The following ACAT1 variants were observed in gnomAD, a reference collection of about 807,000 sequenced individuals.
The protein encoded by ACAT1 is acetyl-CoA acetyltransferase 1.
In ACAT1, 28 loss-of-function variants were observed where a neutral mutation model predicts 47.3. That is an observed-to-expected ratio of 0.59 (90% CI 0.44 to 0.81). ACAT1 has a LOEUF of 0.81. Ranked by LOEUF, ACAT1 falls within the 30% of genes least tolerant of loss-of-function variation. The pLI is 0.00. For missense variants in ACAT1, 469 were observed against 524.3 expected (o/e 0.89, Z 1.03); for synonymous variants, 181 against 173.6 (o/e 1.04, Z -0.34).
chr11:108,121,239 T>C (rs568711281), upstream of ACAT1: 3 of 354,026 alleles, frequency 8.5e-6, no homozygotes, highest in South Asian at 8.6e-5. Flanking sequence ...TTTCATGAGT[T>C]TGTGCTGGGT....
At chr11:108,135,720 C>T (rs1043974154) in intron 5 of ACAT1, among the ~76,000 whole-genome samples, 5 of 151,810 alleles carry the variant, frequency 3.3e-5, no homozygotes, top group South Asian at 2.1e-4. Context: ...TCCAGCTACT[C>T]GGGAAGCTGA....
rs1347011973 is a variant in ACAT1, at chr11:108,133,907, A to G, written c.208A>G (p.Ile70Val). 1.9e-6 allele frequency: 3 copies of G among 1,613,972 alleles called. No homozygotes were observed. The highest frequency in any genetic ancestry group is 1.3e-5 in the African/African-American group (1 of 74,924). ...SLLPATKLGS[I>V]AIQGAIEKAG... ...GCTGCCAGCCACTAAGCTTGGTTCC[A>G]TTGCAATTCAGGGAGCCATTGAAAA... Residue 70 changes from isoleucine (I) to valine (V), a missense_variant, in exon 3 of 12, where the codon ATT becomes GTT. Ile to Val is a conservative substitution (Grantham distance 29). Coordinates refer to ENST00000265838, the MANE Select transcript of ACAT1 (RefSeq NM_000019.4).
chr11:108,147,002 C>A (rs924291128), intron 11 of ACAT1, among the ~76,000 whole-genome samples: 15 of 152,168 alleles, frequency 9.9e-5, no homozygotes, highest in Non-Finnish European at 1.9e-4. Context: ...ATCGCTTGAA[C>A]CCAGGAGGTG....
At chr11:108,134,552 C>T (rs952862180) in intron 4 of ACAT1, 11 of 307,630 alleles carry the variant, frequency 3.6e-5, no homozygotes, top group Non-Finnish European at 5.5e-5. Context: ...GCAGGAGCAT[C>T]GCTTGAACCC....
intron 1 of ACAT1, among the ~76,000 whole-genome samples, chr11:108,129,447 C>T (rs551631046): frequency 6.6e-6 from 1 of 152,210 alleles, no homozygotes; most frequent in South Asian, 2.1e-4. Flanking sequence ...CGGCTCACTG[C>T]AACTTCTGCC....
intron 10 of ACAT1, among the ~76,000 whole-genome samples, chr11:108,145,614 C>T (rs2077688640): frequency 6.6e-6 from 1 of 152,142 alleles, no homozygotes; most frequent in Non-Finnish European, 1.5e-5. Flanking sequence ...ATATATAAAG[C>T]ATTATGTGCC....
chr11:108,127,621 GTTAAA>G (rs1312201640), intron 1 of ACAT1, among the ~76,000 whole-genome samples: 2 of 152,134 alleles, frequency 1.3e-5, no homozygotes, highest in South Asian at 4.1e-4. Context: ...ATATAGTGAA[GTTAAA>G]TTAAAAGAGG....
intron 1 of ACAT1, among the ~76,000 whole-genome samples, chr11:108,130,177 C>T (rs1184885015): frequency 6.6e-6 from 1 of 152,078 alleles, no homozygotes; most frequent in African/African-American, 2.4e-5. Flanking sequence ...TTTTCAGTCC[C>T]AGTCCCCACC....
intron 1 of ACAT1, chr11:108,127,825 T>G (rs901055444): frequency 3.3e-5 from 5 of 152,108 alleles, no homozygotes; most frequent in African/African-American, 1.2e-4. Context: ...TAACAGCCTG[T>G]GGAGGGTATT....
At chr11:108,144,070 T>C in intron 10 of ACAT1, 23 bp downstream of exon 10, 1 of 1,533,852 alleles carries the variant, frequency 6.5e-7, no homozygotes, top group Non-Finnish European at 8.9e-7. Flanking sequence ...TGAGGGGCGA[T>C]ACTCCATTAT....
intron 5 of ACAT1, 199 bp from the exon 6 acceptor site, chr11:108,138,699 C>T (rs375178071): frequency 1.6e-6 from 1 of 643,448 alleles, no homozygotes. Flanking sequence ...ACCCAGCCAA[C>T]TTATTTCTCA....
chr11:108,136,814 A>G (rs1208180812), intron 5 of ACAT1: 1 of 152,236 alleles, frequency 6.6e-6, no homozygotes, highest in Non-Finnish European at 1.5e-5. Context: ...ATTTCGGAAT[A>G]GGCAAAATAT....
chr11:108,144,232 T>A (rs1280490209), intron 10 of ACAT1, 185 bp downstream of exon 10: 18 of 629,684 alleles, frequency 2.9e-5, no homozygotes, highest in African/African-American at 2.1e-4. Flanking sequence ...AAAAAAAAAA[T>A]AAAGAACAGC....
rs2134780546 is a variant in ACAT1 at position 108,144,038 on chromosome 11, T to C, written c.996T>C (p.Ala332=). Reference sequence around the variant, plus strand: ...ATTTTCCAATTGCTCCTGTATATGCTGCATCTATGGTGAGAACAAAGTGAG... The same window carrying C: ...ATTTTCCAATTGCTCCTGTATATGCCGCATCTATGGTGAGAACAAAGTGAG... ...PIDFPIAPVY[A]ASMVLKDVGL... Residue 332 remains alanine, a synonymous_variant, in exon 10 of 12, where the codon GCT becomes GCC. Coordinates refer to ENST00000265838, the MANE Select transcript of ACAT1 (RefSeq NM_000019.4). 7.2e-7 allele frequency: 1 copy of C among 1,384,914 alleles called. No individual in the cohort carries two copies. Among genetic ancestry groups the C allele is most frequent in the Non-Finnish European group, 9.7e-7 (1 of 1,035,916 alleles). The allele number at this position is 1,384,914 out of a possible 1,614,324, so 85.8% of individuals were successfully genotyped here.
chr11:108,144,439 G>A lies in ACAT1; in HGVS notation c.1005+392G>A, dbSNP rs114563830. 1.0e-2 allele frequency among the ~76,000 whole-genome samples: 1,520 copies of A among 152,194 alleles called. 19 individuals are homozygous for A. Among genetic ancestry groups the A allele is most frequent in the African/African-American group, 0.033 (1,378 of 41,522 alleles). ...TTCTGAAAGGGAACAGCTGGCAGCAGGTCTTCAGAGTAAATAGTAAAACTA... is the reference window on the plus strand; with the variant it reads ...TTCTGAAAGGGAACAGCTGGCAGCAAGTCTTCAGAGTAAATAGTAAAACTA... On this transcript the variant is annotated intron_variant, in intron 10 of 11. Coordinates refer to ENST00000265838, the MANE Select transcript of ACAT1 (RefSeq NM_000019.4).
At chr11:108,135,341 TTCTCATAAGTTA>T in intron 5 of ACAT1, 99 bp downstream of exon 5, 6 of 869,574 alleles carry the variant, frequency 6.9e-6, no homozygotes, top group Non-Finnish European at 1.1e-5. Flanking sequence ...ATGAGATTCT[TTCTCATAAGTTA>T]GTATGTTTTC....
upstream of ACAT1, chr11:108,121,512 A>G: frequency 3.0e-6 from 4 of 1,355,866 alleles, no homozygotes; most frequent in Non-Finnish European, 4.1e-6. Flanking sequence ...AGGAAGCGGG[A>G]TGGGCGGTGC....
At position 108,133,741 on chromosome 11, in the gene ACAT1, GATAAT is replaced by G. The variant is rs2077406094; in HGVS notation, c.121-75_121-71del. 2.5e-6 allele frequency: 3 copies of G among 1,179,574 alleles called. No homozygotes were observed. In the South Asian group the frequency reaches 3.9e-5, roughly 15 times the overall value. 73.1% of individuals were successfully genotyped at this position (1,179,574 alleles called of 1,614,324 possible). ...GACTCATTCATAGAAGTGTTTTTTT[GATAAT>G]ATATTTATGTTTATTTAATGAAATA... On this transcript the variant is annotated intron_variant, in intron 2 of 11. Coordinates refer to ENST00000265838, the MANE Select transcript of ACAT1 (RefSeq NM_000019.4).
In ACAT1 at chr11:108,138,994, T is replaced by A. The variant is rs370063325; in HGVS notation, c.532T>A (p.Leu178Met). The change falls in exon 6 of 12, where the codon TTG (leucine) becomes ATG (methionine). Residue 178 changes from leucine (L) to methionine (M), a missense_variant. Transcript: ENST00000265838. ...TPYGGVKLEDLIVKDGLTDVY... is the reference protein window; with the variant it reads ...TPYGGVKLEDMIVKDGLTDVY... ...ATATGGTGGGGTAAAGCTTGAAGAT[T>A]TGATTGTAAAAGACGGGCTAACTGA... 6.2e-7 allele frequency: 1 copy of A among 1,614,050 alleles called. No individual in the cohort carries two copies. The highest frequency in any genetic ancestry group is 8.5e-7 in the Non-Finnish European group (1 of 1,180,032).
Sources: gnomAD v4.1 joint callset for allele counts (sites outside exome capture counted in the v4.1 genomes callset) on GRCh38, gnomAD v4.1.1 for gene constraint, MANE v1.5 for transcripts, NCBI Gene and HGNC (gene_info 2026-07-23, HGNC 2026-07-21) for gene names.